Variants in UBA6 observed in about 807,000 individuals in gnomAD.
UBA6 encodes ubiquitin like modifier activating enzyme 6.
In UBA6, 87 loss-of-function variants were observed where a neutral mutation model predicts 148.3. The ratio of observed to expected loss-of-function variants is 0.59; its 90% confidence interval spans 0.49 to 0.70. The LOEUF (loss-of-function observed/expected upper bound fraction) is 0.70, where lower values mean the gene tolerates loss of function less well. Among genes scored for constraint, UBA6 ranks in the 30% least tolerant of loss-of-function variants. The probability of loss-of-function intolerance (pLI) is 0.00; values close to 1 mark genes in which losing one functional copy is unlikely to be tolerated. For synonymous variants in UBA6, 376 were observed against 401.0 expected, an observed-to-expected ratio of 0.94 and a Z score of 0.75; for missense variants, 1,186 against 1,241.2, an observed-to-expected ratio of 0.96 and a Z score of 0.67.
intron 17 of UBA6, among the ~76,000 whole-genome samples, chr4:67,644,137 G>A (rs1383546156): frequency 6.6e-6 from 1 of 152,088 alleles, no homozygotes; most frequent in African/African-American, 2.4e-5. Flanking sequence ...ATGGAAGACA[G>A]TTTATCTTAA....
chr4:67,663,270 G>A lies in UBA6; in HGVS notation c.961-55C>T, dbSNP rs1350650006. ...TTTACTGAGTGGTTGTATGTCCCAG[G>A]CACTGGGCTAAATACTTTTAAAACA... is the stretch of plus-strand genomic sequence containing the variant. On this transcript the variant is annotated intron_variant, in intron 11 of 32. Coordinates refer to ENST00000322244, the MANE Select transcript of UBA6 (RefSeq NM_018227.6). 15 of 1,155,982 alleles carry A rather than the reference G, an allele frequency of 1.3e-5. No individual in the cohort carries two copies. In the South Asian group the frequency reaches 1.7e-4, roughly 13 times the overall value. 71.6% of individuals were successfully genotyped at this position (1,155,982 alleles called of 1,614,324 possible).
intron 2 of UBA6, among the ~76,000 whole-genome samples, chr4:67,692,875 A>G (rs1730727764): frequency 6.6e-6 from 1 of 152,228 alleles, no homozygotes; most frequent in Admixed American, 6.5e-5. Flanking sequence ...TGAAGATGCT[A>G]TCGTTGTTAC....
chr4:67,690,635 G>A (rs2109957925), intron 2 of UBA6, among the ~76,000 whole-genome samples: 1 of 152,204 alleles, frequency 6.6e-6, no homozygotes, highest in South Asian at 2.1e-4. Context: ...TGGACAAAGA[G>A]TTTGAATAGA....
At chr4:67,628,304 CAACT>C (rs953332000) in intron 27 of UBA6, among the ~76,000 whole-genome samples, 5 of 151,782 alleles carry the variant, frequency 3.3e-5, no homozygotes, top group Admixed American at 6.6e-5. Flanking sequence ...ATCATAGCCC[CAACT>C]ATCTCTGTAA....
In UBA6 at chr4:67,613,211, A is replaced by C. The variant is rs1425045352; in HGVS notation, c.*5786T>G. 1.3e-5 allele frequency: 2 copies of C among 152,342 alleles called. No homozygotes were observed. The highest frequency in any genetic ancestry group is 3.9e-4 in the East Asian group (2 of 5,188). 9.4% of individuals were successfully genotyped at this position (152,342 alleles called of 1,614,324 possible). ...TAAATTACTAATGCAGGTACCTGCCAGAAGCAAAAAACTCTGTGGAGGATA... is the reference window on the plus strand; with the variant it reads ...TAAATTACTAATGCAGGTACCTGCCCGAAGCAAAAAACTCTGTGGAGGATA... On this transcript the variant is annotated 3_prime_UTR_variant, in exon 33 of 33. Transcript: ENST00000322244.
In UBA6 at chr4:67,665,269, T is replaced by C. The variant is rs1729964703; in HGVS notation, c.817A>G (p.Ile273Val). ...ITVISPFSFSIGDTTELEPYL... is the reference protein window; with the variant it reads ...ITVISPFSFSVGDTTELEPYL... ...GGTTCCAGTTCTGTGGTGTCACCAA[T>C]ACTAAAAGAAAATGGCGATATCACT... is the stretch of plus-strand genomic sequence containing the variant. The change falls in exon 10 of 33, where the codon ATT becomes GTT. Residue 273 changes from isoleucine (I) to valine (V), a missense_variant. By Grantham distance (29) the Ile-to-Val change is conservative (BLOSUM62 3). Transcript: ENST00000322244. 4 of 1,601,670 alleles carry C rather than the reference T, an allele frequency of 2.5e-6. No individual in the cohort carries two copies. Among genetic ancestry groups the C allele is most frequent in the Non-Finnish European group, 1.7e-6 (2 of 1,176,552 alleles).
chr4:67,635,391 G>A (rs1729113644), intron 20 of UBA6, 62 bp downstream of exon 20: 1 of 1,065,690 alleles, frequency 9.4e-7, no homozygotes, highest in Non-Finnish European at 1.4e-6. Context: ...TCAAATTGTT[G>A]ATTAAGACAA....
At chr4:67,665,510 G>A (rs368913727) in intron 9 of UBA6, among the ~76,000 whole-genome samples, 94 of 148,684 alleles carry the variant, frequency 6.3e-4, no homozygotes, top group African/African-American at 2.2e-3. Context: ...GAAACTCCAG[G>A]ACTTAAAAAT....
intron 19 of UBA6, among the ~76,000 whole-genome samples, chr4:67,637,234 AC>A (rs1729179598): frequency 7.5e-6 from 1 of 134,158 alleles, no homozygotes. Context: ...GGGGGGCAGC[AC>A]CCGTCTGGCC....
At chr4:67,632,489 A>T (rs1729022320) in intron 23 of UBA6, among the ~76,000 whole-genome samples, 1 of 152,208 alleles carries the variant, frequency 6.6e-6, no homozygotes, top group South Asian at 2.1e-4. Context: ...TTTCATTATA[A>T]AAAAAGTTTA....
At chr4:67,634,816 A>C (rs1447554293) in intron 20 of UBA6, among the ~76,000 whole-genome samples, 4 of 152,022 alleles carry the variant, frequency 2.6e-5, no homozygotes, top group Non-Finnish European at 5.9e-5. Flanking sequence ...TTTTTTCCTC[A>C]TGAATCAAGG....
At chr4:67,690,880 C>T (rs1730679018) in intron 2 of UBA6, among the ~76,000 whole-genome samples, 1 of 152,090 alleles carries the variant, frequency 6.6e-6, no homozygotes, top group Non-Finnish European at 1.5e-5. Context: ...CCATGGAAAA[C>T]AGTATGAAGC....
chr4:67,635,528 TAA>T lies in UBA6; in HGVS notation c.1765_1766del (p.Leu589ArgfsTer8). On this transcript the variant is annotated frameshift_variant, in exon 20 of 33. Coordinates refer to ENST00000322244, the MANE Select transcript of UBA6 (RefSeq NM_018227.6). LOFTEE classifies it high-confidence loss of function. ...SRCLANLRPL[L>X]DSGTMGTKGH... is the part of the protein sequence containing the mutation. ...CCTTAGTGCCCATTGTTCCAGAATC[TAA>T]AAGAGGCCTTAGATTTGCTAAGCAA... 4 of 1,612,860 alleles carry T rather than the reference TAA, an allele frequency of 2.5e-6. No homozygotes were observed. The highest frequency in any genetic ancestry group is 1.7e-4 in the Middle Eastern group (1 of 6,058).
intron 9 of UBA6, among the ~76,000 whole-genome samples, chr4:67,665,660 G>A (rs922296099): frequency 1.3e-5 from 2 of 151,214 alleles, no homozygotes; most frequent in Non-Finnish European, 3.0e-5. Context: ...ACAGACAACT[G>A]GAAAAGATTA....
Position 67,632,612 on chromosome 4 carries a change from C to T in UBA6, c.2143-704G>A, listed in dbSNP as rs1430449468. 3.9e-5 allele frequency among the ~76,000 whole-genome samples: 6 copies of T among 152,144 alleles called. No homozygotes were observed. In the East Asian group the frequency reaches 1.2e-3, roughly 29 times the overall value. On this transcript the variant is annotated intron_variant, in intron 23 of 32. Coordinates refer to ENST00000322244, the MANE Select transcript of UBA6 (RefSeq NM_018227.6). ...GTAATGAGCAAAGAAGTCAAATTTA[C>T]TGGGTAAAGAAGTGGTAACATTGAG...
chr4:67,641,846 A>G lies in UBA6; in HGVS notation c.1477-618T>C, dbSNP rs1206367405. Among the ~76,000 whole-genome samples, 3 of 152,116 alleles carry G rather than the reference A, an allele frequency of 2.0e-5. No homozygotes were observed. The East Asian group carries it at 5.8e-4, about 29-fold the overall frequency. The stretch of plus-strand genomic sequence containing the variant: ...TGAAATATTTGCAATCGTGTCCTTT[A>G]AGAAAAAGTCTGCAGACTCATTCTA... On this transcript the variant is annotated intron_variant, in intron 17 of 32. Transcript: ENST00000322244.
Position 67,684,039 on chromosome 4 carries a change from T to C in UBA6, c.135-1826A>G, listed in dbSNP as rs1181403263. ...TTGCAGTGAGCCAAGATCATGCCAC[T>C]GCACTCCAGCTTGGGCGACGGGAAT... On this transcript the variant is annotated intron_variant, in intron 2 of 32. Transcript: ENST00000322244. Among the ~76,000 whole-genome samples the C allele has an allele frequency of 2.0e-5, 3 of 152,284 alleles. No individual in the cohort carries two copies. In the East Asian group the frequency reaches 5.8e-4, roughly 29 times the overall value.
intron 19 of UBA6, among the ~76,000 whole-genome samples, chr4:67,636,422 T>C (rs13112299): frequency 0.23 from 35,273 of 152,156 alleles, 4,244 homozygotes; most frequent in Middle Eastern, 0.3. Context: ...TCTCTTTCCA[T>C]GGTCTCCCTC....
intron 32 of UBA6, 35 bp downstream of exon 32, chr4:67,622,796 C>A: frequency 4.1e-6 from 6 of 1,458,258 alleles, no homozygotes; most frequent in Non-Finnish European, 5.7e-6. Flanking sequence ...CATTTAAATT[C>A]TTGTTAATCG....
Sources: gnomAD v4.1 joint callset for allele counts (sites outside exome capture counted in the v4.1 genomes callset) on GRCh38, gnomAD v4.1.1 for gene constraint, MANE v1.5 for transcripts, NCBI Gene and HGNC (gene_info 2026-07-23, HGNC 2026-07-21) for gene names.